ROBO1: variants seen among roughly 807,000 people sequenced by gnomAD.
The protein encoded by ROBO1 is roundabout guidance receptor 1, also known as roundabout homolog 1.
A neutral mutation model predicts 195.9 loss-of-function variants in ROBO1; 149 were observed. The observed-to-expected ratio is 0.76, with a 90% CI of 0.67 to 0.87. The LOEUF is 0.87. ROBO1 is among the 40% of genes least tolerant of loss of function. The pLI is 0.00. For missense variants in ROBO1, 1,933 were observed against 2,068.3 expected, an observed-to-expected ratio of 0.93 and a Z score of 1.27; for synonymous variants, 816 against 733.2, an observed-to-expected ratio of 1.11 and a Z score of -1.82.
chr3:79,035,963 T>A (rs2078374914), intron 3 of ROBO1, among the ~76,000 whole-genome samples: 4 of 152,102 alleles, frequency 2.6e-5, no homozygotes, highest in Admixed American at 2.0e-4. Flanking sequence ...ATTAATATTT[T>A]AAAAAACCAT....
At chr3:79,762,296 C>T (rs964237176) in intron 1 of ROBO1, among the ~76,000 whole-genome samples, 1 of 152,038 alleles carries the variant, frequency 6.6e-6, no homozygotes, top group Non-Finnish European at 1.5e-5. Context: ...TATAAGGGCA[C>T]TAATTCCATT....
intron 3 of ROBO1, among the ~76,000 whole-genome samples, chr3:78,957,731 T>G (rs2041122986): frequency 6.6e-6 from 1 of 152,230 alleles, no homozygotes; most frequent in Admixed American, 6.5e-5. Flanking sequence ...CAATTGCCTC[T>G]TCTCTTTAGG....
intron 5 of ROBO1, among the ~76,000 whole-genome samples, chr3:78,743,877 A>T (rs1012486342): frequency 2.6e-5 from 4 of 152,146 alleles, no homozygotes; most frequent in Middle Eastern, 3.2e-3. Flanking sequence ...TGAAAAAGTC[A>T]AACAGGTCTG....
chr3:79,522,331 T>C (rs1575963511), intron 2 of ROBO1, among the ~76,000 whole-genome samples: 2 of 12,372 alleles, frequency 1.6e-4, no homozygotes, highest in Admixed American at 5.4e-4. Flanking sequence ...AGACTGTTAC[T>C]TTTTTTTTTT....
chr3:78,615,769 C>T (rs1441763236), intron 27 of ROBO1, among the ~76,000 whole-genome samples: 1 of 152,160 alleles, frequency 6.6e-6, no homozygotes, highest in Non-Finnish European at 1.5e-5. Flanking sequence ...GCAATCAACA[C>T]ATTTAAAGAT....
intron 4 of ROBO1, among the ~76,000 whole-genome samples, chr3:78,900,767 T>C (rs2037537629): frequency 6.6e-6 from 1 of 152,110 alleles, no homozygotes; most frequent in South Asian, 2.1e-4. Context: ...ATATATATAT[T>C]GAGTCCCAGA....
intron 2 of ROBO1, among the ~76,000 whole-genome samples, chr3:79,448,741 T>C (rs2039349619): frequency 6.6e-6 from 1 of 152,200 alleles, no homozygotes; most frequent in Non-Finnish European, 1.5e-5. Flanking sequence ...GTCATTGTTA[T>C]CATATAATTA....
chr3:78,660,477 A>G (rs1394541679), intron 16 of ROBO1: 2 of 152,806 alleles, frequency 1.3e-5, no homozygotes, highest in East Asian at 3.8e-4. Context: ...AGCCAAAGTG[A>G]CAAAGACATG....
chr3:79,297,264 C>T (rs2032644001), intron 2 of ROBO1, among the ~76,000 whole-genome samples: 1 of 152,208 alleles, frequency 6.6e-6, no homozygotes, highest in East Asian at 1.9e-4. Context: ...TCTAGTTTAG[C>T]CCAGTGCTCT....
rs185381919 is a variant in ROBO1 at position 78,627,218 on chromosome 3, C to T, written c.3875+103G>A. ...TATGGGATGATACTGCCAGAAAAGG[C>T]TTATGAGACAAGAAAATTACTTCGT... is the stretch of plus-strand genomic sequence containing the variant. On this transcript the variant is annotated intron_variant, in intron 26 of 30. Coordinates refer to ENST00000464233, the MANE Select transcript of ROBO1 (RefSeq NM_002941.4). 3.4e-5 allele frequency: 45 copies of T among 1,310,928 alleles called. No homozygotes were observed. The East Asian group carries it at 1.1e-3, about 31-fold the overall frequency. The allele number at this position is 1,310,928 out of a possible 1,614,324, so 81.2% of individuals were successfully genotyped here.
At chr3:79,060,254 A>G (rs2078891565) in intron 3 of ROBO1, among the ~76,000 whole-genome samples, 1 of 151,954 alleles carries the variant, frequency 6.6e-6, no homozygotes, top group African/African-American at 2.4e-5. Context: ...ATGTGTGCCC[A>G]GCAGGACATG....
chr3:78,638,233 G>GTATACACATATACATA, intron 22 of ROBO1, among the ~76,000 whole-genome samples: 1 of 136,304 alleles, frequency 7.3e-6, no homozygotes, highest in Non-Finnish European at 1.6e-5. Context: ...ATACATATAT[G>GTATACACATATACATA]TATGTGTGTA....
intron 26 of ROBO1, among the ~76,000 whole-genome samples, chr3:78,624,527 A>G (rs1704641662): frequency 6.6e-6 from 1 of 152,130 alleles, no homozygotes. Flanking sequence ...ACCCAATTAC[A>G]TATATCTGCC....
chr3:79,419,948 A>T (rs554229562), intron 2 of ROBO1, among the ~76,000 whole-genome samples: 100 of 152,222 alleles, frequency 6.6e-4, no homozygotes, highest in Non-Finnish European at 1.1e-3. Flanking sequence ...TGTCCCTAGG[A>T]ATTTTATTTC....
At chr3:79,744,894 T>C (rs1431853210) in intron 1 of ROBO1, among the ~76,000 whole-genome samples, 2 of 151,876 alleles carry the variant, frequency 1.3e-5, no homozygotes, top group Non-Finnish European at 2.9e-5. Context: ...ATCATATATA[T>C]ACATATGGTC....
chr3:78,832,421 G>A (rs2032309135), intron 4 of ROBO1, among the ~76,000 whole-genome samples: 1 of 152,116 alleles, frequency 6.6e-6, no homozygotes, highest in Non-Finnish European at 1.5e-5. Context: ...AGAGACCTTG[G>A]TGTATCTTAC....
chr3:79,030,163 C>T (rs2078268351), intron 3 of ROBO1, among the ~76,000 whole-genome samples: 1 of 152,174 alleles, frequency 6.6e-6, no homozygotes, highest in African/African-American at 2.4e-5. Context: ...AAAAAGTTTA[C>T]TCCATTTCAG....
chr3:78,704,436 T>C (rs2081497936), intron 8 of ROBO1, among the ~76,000 whole-genome samples: 1 of 152,048 alleles, frequency 6.6e-6, no homozygotes, highest in Non-Finnish European at 1.5e-5. Context: ...ATTTACAAAG[T>C]AGGCCTTCTT....
intron 3 of ROBO1, among the ~76,000 whole-genome samples, chr3:79,116,092 A>G (rs192295189): frequency 2.0e-5 from 3 of 152,190 alleles, no homozygotes; most frequent in Admixed American, 2.0e-4. Context: ...TCTAGTAGTG[A>G]TTAGTGCTAT....
Sources: gnomAD v4.1 joint callset for allele counts (sites outside exome capture counted in the v4.1 genomes callset) on GRCh38, gnomAD v4.1.1 for gene constraint, MANE v1.5 for transcripts, NCBI Gene and HGNC (gene_info 2026-07-23, HGNC 2026-07-21) for gene names.